TECPR2: variants seen among roughly 807,000 people sequenced by gnomAD.
TECPR2 encodes tectonin beta-propeller repeat containing 2, also known as tectonin beta-propeller repeat-containing protein 2.
A neutral mutation model predicts 138.1 loss-of-function variants in TECPR2; 65 were observed. The observed-to-expected ratio is 0.47, with a 90% CI of 0.39 to 0.58. The LOEUF is 0.58. TECPR2 is among the 20% of genes least tolerant of loss of function. The pLI, the probability that TECPR2 is intolerant of heterozygous loss-of-function variation, is 0.00. For synonymous variants in TECPR2, 746 were observed against 749.8 expected, an observed-to-expected ratio of 0.99 and a Z score of 0.08; for missense variants, 1,553 against 1,824.5, an observed-to-expected ratio of 0.85 and a Z score of 2.71.
chr14:102,418,243 G>A (rs553310772), intron 5 of TECPR2, among the ~76,000 whole-genome samples: 28 of 152,316 alleles, frequency 1.8e-4, no homozygotes, highest in Admixed American at 1.4e-3. Context: ...TTCATTCAGC[G>A]CTGGAGCTTT....
At chr14:102,487,006 C>T (rs1047129109) in intron 17 of TECPR2, among the ~76,000 whole-genome samples, 25 of 152,162 alleles carry the variant, frequency 1.6e-4, no homozygotes, top group African/African-American at 5.3e-4. Context: ...CGCCTCAGCG[C>T]CCCCTGAGGC....
intron 1 of TECPR2, among the ~76,000 whole-genome samples, chr14:102,363,401 C>T: frequency 6.6e-6 from 1 of 152,204 alleles, no homozygotes; most frequent in East Asian, 1.9e-4. Flanking sequence ...GCTGCGCGTC[C>T]CGCGCCCTCG....
chr14:102,373,423 GTGAT>G (rs1436592493), intron 1 of TECPR2, among the ~76,000 whole-genome samples: 2 of 152,284 alleles, frequency 1.3e-5, no homozygotes, highest in East Asian at 3.9e-4. Flanking sequence ...GCAACACTTT[GTGAT>G]AAAATAGGCT....
chr14:102,473,355 A>G (rs1397983630), intron 17 of TECPR2, among the ~76,000 whole-genome samples: 3 of 152,222 alleles, frequency 2.0e-5, no homozygotes, highest in Non-Finnish European at 1.5e-5. Context: ...ATGGGGGTTC[A>G]CTCTGAGGAC....
At chr14:102,370,301 C>T (rs1361043562) in intron 1 of TECPR2, among the ~76,000 whole-genome samples, 2 of 152,076 alleles carry the variant, frequency 1.3e-5, no homozygotes, top group East Asian at 3.9e-4. Flanking sequence ...AAACTCCTGA[C>T]CTCAGGTGAT....
intron 5 of TECPR2, among the ~76,000 whole-genome samples, chr14:102,416,799 CA>C (rs1249995015): frequency 6.6e-6 from 1 of 152,150 alleles, no homozygotes; most frequent in Non-Finnish European, 1.5e-5. Flanking sequence ...GCCTGGCCAA[CA>C]TGGTGAAACC....
At chr14:102,401,254 C>G (rs1888469276) in intron 2 of TECPR2, among the ~76,000 whole-genome samples, 1 of 151,518 alleles carries the variant, frequency 6.6e-6, no homozygotes, top group Non-Finnish European at 1.5e-5. Flanking sequence ...GCCTGGGTAA[C>G]ATGGTGAAAC....
Position 102,437,184 on chromosome 14 carries a change from AT to A in TECPR2, c.2395-835del, listed in dbSNP as rs1227315614. 5.1e-6 allele frequency: 5 copies of A among 985,040 alleles called. No homozygotes were observed. The African/African-American group carries it at 8.7e-5, about 17-fold the overall frequency. 61.0% of individuals were successfully genotyped at this position (985,040 alleles called of 1,614,324 possible). A position where few individuals can be genotyped will look rare whatever the true frequency, so the allele number is the denominator to read the frequency against. On this transcript the variant is annotated intron_variant, in intron 9 of 19. Transcript: ENST00000359520. ...TCTATGTGGGTATCTGTACAAATAC[AT>A]TTATCTTCTTTGCATTTATTGAAAA...
chr14:102,442,314 A>T (rs2139742132), intron 11 of TECPR2, among the ~76,000 whole-genome samples: 1 of 152,300 alleles, frequency 6.6e-6, no homozygotes, highest in East Asian at 1.9e-4. Flanking sequence ...TCAGCTGGGG[A>T]TGAGTCTTCA....
At chr14:102,418,301 G>A (rs1886081) in intron 5 of TECPR2, among the ~76,000 whole-genome samples, 27,817 of 152,256 alleles carry the variant, frequency 0.18, 3,154 homozygotes, top group Non-Finnish European at 0.26. Flanking sequence ...GGGGATATCT[G>A]TGAACAAGGC....
At chr14:102,497,188 C>T (rs901142425) in intron 18 of TECPR2, 68 bp downstream of exon 18, 62 of 1,561,544 alleles carry the variant, frequency 4.0e-5, no homozygotes, top group Admixed American at 5.4e-5. Flanking sequence ...GGCTGCTGGG[C>T]GCTCCCTCCA....
chr14:102,429,912 C>G (rs1184100842), intron 7 of TECPR2, among the ~76,000 whole-genome samples: 1 of 152,138 alleles, frequency 6.6e-6, no homozygotes, highest in Admixed American at 6.5e-5. Context: ...TGAGTACTTG[C>G]AATATAGCAA....
chr14:102,439,328 A>T (rs191690017), intron 10 of TECPR2, among the ~76,000 whole-genome samples: 75 of 152,122 alleles, frequency 4.9e-4, no homozygotes, highest in Non-Finnish European at 6.2e-4. Flanking sequence ...CTGTAACTTC[A>T]CTGTGTTTCG....
intron 11 of TECPR2, among the ~76,000 whole-genome samples, chr14:102,442,191 C>T (rs1489578654): frequency 1.3e-5 from 2 of 152,182 alleles, no homozygotes; most frequent in Non-Finnish European, 2.9e-5. Context: ...GTTGGCCAGT[C>T]TGGTCTTGAA....
chr14:102,435,384 A>G (rs1889637364), intron 9 of TECPR2, among the ~76,000 whole-genome samples, 173 bp downstream of exon 9: 2 of 152,220 alleles, frequency 1.3e-5, no homozygotes, highest in South Asian at 4.1e-4. Flanking sequence ...CACAGGGACT[A>G]TGAATGGCTT....
chr14:102,401,759 C>T lies in TECPR2; in HGVS notation c.220-5579C>T, dbSNP rs1157889535. ...GGCAGAGCTTGCAGTGAGCCGAGAT[C>T]GCACCACTGTACTCCAGCCTGTGCA... On this transcript the variant is annotated intron_variant, in intron 2 of 19. Transcript: ENST00000359520. 9.6e-5 allele frequency among the ~76,000 whole-genome samples: 13 copies of T among 135,578 alleles called. No homozygotes were observed. The East Asian group carries it at 2.4e-3, about 25-fold the overall frequency. The allele number at this position is 135,578 out of a possible 152,430, so 88.9% of individuals were successfully genotyped here.
At chr14:102,431,721 G>A in intron 7 of TECPR2, 75 bp from the exon 8 acceptor site, 3 of 1,403,236 alleles carry the variant, frequency 2.1e-6, no homozygotes, top group Non-Finnish European at 2.9e-6. Context: ...GGTATTTAGG[G>A]CTAGCAAACG....
At chr14:102,432,922 T>C (rs1889550168) in intron 8 of TECPR2, among the ~76,000 whole-genome samples, 1 of 150,494 alleles carries the variant, frequency 6.6e-6, no homozygotes, top group Non-Finnish European at 1.5e-5. Flanking sequence ...GAGAATCACT[T>C]GAACCTGGGA....
rs759969411 is a variant in TECPR2, at chr14:102,465,222, TA to T, written c.3723del (p.Thr1243LeufsTer14). On this transcript the variant is annotated frameshift_variant, in exon 17 of 20. Coordinates refer to ENST00000359520, the MANE Select transcript of TECPR2 (RefSeq NM_014844.5). LOFTEE classifies it high-confidence loss of function. Reference sequence around the variant, plus strand: ...TCCAGGGGTGGAGTTTACTTCCGTGTAGGGACTCAGCCTCTCAATCCCAGTC... The same window carrying T: ...TCCAGGGGTGGAGTTTACTTCCGTGTGGGACTCAGCCTCTCAATCCCAGTC... ...CDSRGGVYFR[V>X]GTQPLNPSLM... The T allele has an allele frequency of 6.2e-7, 1 of 1,614,260 alleles. No homozygotes were observed. Among genetic ancestry groups the T allele is most frequent in the African/African-American group, 1.3e-5 (1 of 75,066 alleles).
Sources: allele counts gnomAD v4.1 joint callset (sites outside exome capture counted in the v4.1 genomes callset), GRCh38; gene constraint gnomAD v4.1.1; transcripts MANE v1.5; gene names NCBI Gene and HGNC (gene_info 2026-07-23, HGNC 2026-07-21).